PPIP5K2: variants seen among roughly 807,000 people sequenced by gnomAD.
The protein encoded by PPIP5K2 is diphosphoinositol pentakisphosphate kinase 2.
Under a neutral mutation model 154.6 loss-of-function variants are expected in PPIP5K2, and 105 were observed. The observed-to-expected ratio is 0.68, with a 90% CI of 0.58 to 0.80. The LOEUF is 0.80. PPIP5K2 is among the 30% of genes least tolerant of loss of function. The pLI, the probability that PPIP5K2 is intolerant of heterozygous loss-of-function variation, is 0.00. For missense variants in PPIP5K2, 992 were observed against 1,504.6 expected (o/e 0.66, Z 5.64); for synonymous variants, 480 against 490.3 (o/e 0.98, Z 0.28).
In PPIP5K2 at chr5:103,172,758, A is replaced by G. The variant is rs137873566; in HGVS notation, c.2287-397A>G. Among the ~76,000 whole-genome samples the G allele has an allele frequency of 7.3e-3, 1,106 of 152,002 alleles. 11 individuals are homozygous for G. The highest frequency in any genetic ancestry group is 0.023 in the African/African-American group (974 of 41,548). ...AGTCTTTTAAATCTTTGACATTTGG[A>G]AAAACAGAAATCTCAAGGTTTAATT... is the stretch of plus-strand genomic sequence containing the variant. On this transcript the variant is annotated intron_variant, in intron 19 of 30. Coordinates refer to ENST00000358359, the MANE Select transcript of PPIP5K2 (RefSeq NM_001276277.3).
At chr5:103,155,266 A>T (rs1483704020) in intron 13 of PPIP5K2, among the ~76,000 whole-genome samples, 2 of 152,076 alleles carry the variant, frequency 1.3e-5, no homozygotes, top group South Asian at 2.1e-4. Context: ...ATTTTGCCTT[A>T]ATCAAGTAAA....
chr5:103,162,156 A>G (rs1252234745), intron 17 of PPIP5K2, among the ~76,000 whole-genome samples: 2 of 152,060 alleles, frequency 1.3e-5, no homozygotes, highest in Non-Finnish European at 2.9e-5. Flanking sequence ...TTGTGGCTTC[A>G]ATGTCTATTG....
chr5:103,149,897 A>G (rs1192031012), intron 8 of PPIP5K2, among the ~76,000 whole-genome samples: 1 of 151,984 alleles, frequency 6.6e-6, no homozygotes, highest in African/African-American at 2.4e-5. Flanking sequence ...GGGTTTCTCC[A>G]CGTTGGCCAG....
chr5:103,155,548 C>T (rs898895972), intron 13 of PPIP5K2, among the ~76,000 whole-genome samples: 2 of 149,754 alleles, frequency 1.3e-5, no homozygotes, highest in Non-Finnish European at 3.0e-5. Context: ...ATGCCTCAGC[C>T]TCCCAAGTAT....
intron 1 of PPIP5K2, among the ~76,000 whole-genome samples, chr5:103,126,371 T>A (rs1467549550): frequency 1.3e-5 from 2 of 152,054 alleles, no homozygotes; most frequent in Non-Finnish European, 2.9e-5. Flanking sequence ...ATTCATACCC[T>A]TGGGAAAAAA....
chr5:103,161,605 A>C (rs1448308765), intron 17 of PPIP5K2, among the ~76,000 whole-genome samples: 3 of 152,114 alleles, frequency 2.0e-5, no homozygotes, highest in Admixed American at 6.5e-5. Context: ...ATTTCTCCAC[A>C]TCCTCTCCAG....
chr5:103,154,003 T>C (rs1228984456), intron 11 of PPIP5K2, 69 bp downstream of exon 11: 1 of 1,177,228 alleles, frequency 8.5e-7, no homozygotes, highest in Non-Finnish European at 1.2e-6. Context: ...TGATCAACTC[T>C]TTTGATTAAT....
At chr5:103,150,600 C>A (rs1458081401) in intron 8 of PPIP5K2, among the ~76,000 whole-genome samples, 2 of 152,084 alleles carry the variant, frequency 1.3e-5, no homozygotes, top group East Asian at 3.9e-4. Context: ...TAGCAAAACC[C>A]TGTCTATACT....
chr5:103,191,589 G>A (rs896852494), intron 29 of PPIP5K2, among the ~76,000 whole-genome samples: 2 of 152,074 alleles, frequency 1.3e-5, no homozygotes, highest in East Asian at 1.9e-4. Context: ...AAAGGCTGAC[G>A]TTCTTCTGTA....
chr5:103,154,055 T>G, intron 11 of PPIP5K2, 121 bp downstream of exon 11: 1 of 644,494 alleles, frequency 1.6e-6, no homozygotes, highest in Non-Finnish European at 2.5e-6. Context: ...TCTTGGCCAT[T>G]TATATTTAAA....
chr5:103,131,324 A>G (rs1583204094), intron 2 of PPIP5K2, among the ~76,000 whole-genome samples: 1 of 152,294 alleles, frequency 6.6e-6, no homozygotes, highest in Non-Finnish European at 1.5e-5. Context: ...TCATCCCTAA[A>G]TTACTTATAT....
At chr5:103,162,853 G>A (rs899306347) in intron 17 of PPIP5K2, among the ~76,000 whole-genome samples, 2 of 151,958 alleles carry the variant, frequency 1.3e-5, no homozygotes, top group Non-Finnish European at 2.9e-5. Flanking sequence ...AGATAAAATT[G>A]ACTTTTGTGT....
intron 9 of PPIP5K2, among the ~76,000 whole-genome samples, chr5:103,152,445 G>C (rs1245663369): frequency 6.6e-6 from 1 of 151,788 alleles, no homozygotes; most frequent in East Asian, 1.9e-4. Flanking sequence ...TCAAATTTGT[G>C]AAATCCCATT....
chr5:103,148,074 T>A, intron 7 of PPIP5K2, 42 bp downstream of exon 7: 1 of 1,317,858 alleles, frequency 7.6e-7, no homozygotes, highest in Non-Finnish European at 1.1e-6. Flanking sequence ...TATTTCAAGT[T>A]TACCAATGAT....
rs781805990 is a variant in PPIP5K2 at position 103,151,235 on chromosome 5, A to G, written c.907-18A>G. 2 of 1,578,576 alleles carry G rather than the reference A, an allele frequency of 1.3e-6. No homozygotes were observed. The highest frequency in any genetic ancestry group is 2.2e-5 in the East Asian group (1 of 44,566). ...TAATTTAAATAAAACCTTAAAGTTTATAACTTATTTTAAATAGCAAACAGT... is the reference window on the plus strand; with the variant it reads ...TAATTTAAATAAAACCTTAAAGTTTGTAACTTATTTTAAATAGCAAACAGT... On this transcript the variant is annotated intron_variant, in intron 8 of 30. Coordinates refer to ENST00000358359, the MANE Select transcript of PPIP5K2 (RefSeq NM_001276277.3).
intron 30 of PPIP5K2, among the ~76,000 whole-genome samples, chr5:103,197,869 C>T (rs1554229103): frequency 6.6e-6 from 1 of 151,602 alleles, no homozygotes; most frequent in Non-Finnish European, 1.5e-5. Context: ...TGAGCCACCG[C>T]ACCCAGCCTT....
intron 10 of PPIP5K2, among the ~76,000 whole-genome samples, chr5:103,152,999 A>G (rs1251391276): frequency 6.6e-6 from 1 of 151,848 alleles, no homozygotes; most frequent in Admixed American, 6.6e-5. Flanking sequence ...AAAGGTACCA[A>G]TAGGAATGTT....
rs782663973 is a variant in PPIP5K2 at position 103,158,574 on chromosome 5, G to A, written c.1737+1G>A. On this transcript the variant is annotated splice_donor_variant, in intron 16 of 30. Coordinates refer to ENST00000358359, the MANE Select transcript of PPIP5K2 (RefSeq NM_001276277.3). LOFTEE classifies it high-confidence loss of function. ...GATGACTGCAGCTGCTTTTGCAAAG[G>A]TATAAATAATTTTTTTTTAGAATTA... The A allele has an allele frequency of 3.2e-6, 5 of 1,567,540 alleles. No homozygotes were observed. In the South Asian group the frequency reaches 4.9e-5, roughly 15 times the overall value.
intron 13 of PPIP5K2, among the ~76,000 whole-genome samples, chr5:103,155,404 G>GTTT (rs1554212864): frequency 8.4e-5 from 2 of 23,896 alleles, no homozygotes; most frequent in Non-Finnish European, 1.1e-4. Flanking sequence ...CTTCAGAGTT[G>GTTT]TCTTTTTTTT....
Sources: gnomAD v4.1 joint callset for allele counts (sites outside exome capture counted in the v4.1 genomes callset) on GRCh38, gnomAD v4.1.1 for gene constraint, MANE v1.5 for transcripts, NCBI Gene and HGNC (gene_info 2026-07-23, HGNC 2026-07-21) for gene names.